MGAM: variants seen among roughly 807,000 people sequenced by gnomAD.
MGAM encodes maltase-glucoamylase.
A neutral mutation model predicts 358.8 loss-of-function variants in MGAM; 253 were observed. The ratio of observed to expected loss-of-function variants is 0.71; its 90% confidence interval spans 0.64 to 0.78. MGAM has a LOEUF of 0.78. MGAM is among the 30% of genes least tolerant of loss of function. The probability of loss-of-function intolerance (pLI) is 0.00; values close to 1 mark genes in which losing one functional copy is unlikely to be tolerated. For missense variants in MGAM, 3,080 were observed against 3,432.6 expected, an observed-to-expected ratio of 0.90 and a Z score of 2.57; for synonymous variants, 1,105 against 1,227.1, an observed-to-expected ratio of 0.90 and a Z score of 2.08.
At chr7:142,002,224 A>G (rs1185554211) in intron 1 of MGAM, among the ~76,000 whole-genome samples, 6 of 152,146 alleles carry the variant, frequency 3.9e-5, no homozygotes, top group African/African-American at 1.4e-4. Flanking sequence ...AAAAACTAAT[A>G]TAGAAGCCAA....
chr7:142,086,056 T>A (rs879225192), intron 55 of MGAM, 95 bp downstream of exon 55: 2 of 1,494,750 alleles, frequency 1.3e-6, no homozygotes, highest in Non-Finnish European at 9.2e-7. Context: ...TGCAAGTAGA[T>A]AAATTGAAGT....
chr7:142,044,402 G>A (rs1348564623), intron 21 of MGAM, among the ~76,000 whole-genome samples: 1 of 44,376 alleles, frequency 2.3e-5, no homozygotes, highest in African/African-American at 4.2e-5. Flanking sequence ...TACGATATAT[G>A]ATATATAATG....
intron 21 of MGAM, among the ~76,000 whole-genome samples, chr7:142,045,294 A>C (rs1199150550): frequency 1.8e-5 from 2 of 112,286 alleles, no homozygotes; most frequent in Non-Finnish European, 3.3e-5. Context: ...TATGATATAT[A>C]ATATATATTA....
At chr7:142,049,755 C>T (rs1321845671) in intron 22 of MGAM, among the ~76,000 whole-genome samples, 2 of 152,126 alleles carry the variant, frequency 1.3e-5, no homozygotes, top group Non-Finnish European at 2.9e-5. Flanking sequence ...TGAGCTACCA[C>T]CTCACACCTG....
intron 12 of MGAM, among the ~76,000 whole-genome samples, chr7:142,031,130 A>C (rs191412643): frequency 6.6e-6 from 1 of 152,126 alleles, no homozygotes; most frequent in African/African-American, 2.4e-5. Flanking sequence ...GAACTGTTTC[A>C]TACCTCTTCT....
chr7:142,095,955 A>T, intron 64 of MGAM: 2 of 697,328 alleles, frequency 2.9e-6, no homozygotes, highest in Non-Finnish European at 4.6e-6. Context: ...ATTTCTTTCT[A>T]ATTTGGCTGT....
chr7:142,008,784 T>C, intron 3 of MGAM, 79 bp downstream of exon 3: 4 of 1,464,212 alleles, frequency 2.7e-6, no homozygotes, highest in Non-Finnish European at 3.7e-6. Context: ...TTTGTTTTGG[T>C]TTTCTTTATT....
intron 66 of MGAM, among the ~76,000 whole-genome samples, chr7:142,097,922 A>G (rs1439826908): frequency 1.3e-5 from 2 of 152,222 alleles, no homozygotes; most frequent in East Asian, 1.9e-4. Context: ...ATTTTCTTAT[A>G]TCACTGCTAT....
chr7:142,084,299 G>C (rs575869293), intron 53 of MGAM, among the ~76,000 whole-genome samples: 2 of 146,078 alleles, frequency 1.4e-5, no homozygotes, highest in South Asian at 2.2e-4. Flanking sequence ...TCTAGGAATG[G>C]AGTGAAATCA....
intron 8 of MGAM, among the ~76,000 whole-genome samples, chr7:142,026,200 CT>C (rs200252324): frequency 0.051 from 7,523 of 146,524 alleles, 412 homozygotes; most frequent in African/African-American, 0.13. Flanking sequence ...CAATTTCTGA[CT>C]TTTTTTTTTT....
chr7:142,042,001 A>T (rs1312524705), intron 21 of MGAM, among the ~76,000 whole-genome samples: 2 of 13,940 alleles, frequency 1.4e-4, no homozygotes, highest in Non-Finnish European at 2.6e-4. Flanking sequence ...TATATATATT[A>T]TATATATAAT....
At chr7:142,099,986 A>G (rs1025779028) in intron 67 of MGAM, among the ~76,000 whole-genome samples, 2 of 152,202 alleles carry the variant, frequency 1.3e-5, no homozygotes, top group African/African-American at 4.8e-5. Flanking sequence ...CAATCTCACA[A>G]TTGAAATGGA....
Position 142,021,599 on chromosome 7 carries a change from C to A in MGAM, c.572C>A (p.Thr191Asn). 6.2e-7 allele frequency: 1 copy of A among 1,613,842 alleles called. No individual in the cohort carries two copies. Among genetic ancestry groups the A allele is most frequent in the Non-Finnish European group, 8.5e-7 (1 of 1,179,802 alleles). ...NRFHFKLTDQTNNRFEVPHEH... is the reference protein window; with the variant it reads ...NRFHFKLTDQNNNRFEVPHEH... ...ATCTCTGCACAGTTGACTGACCAAACCAATAACAGGTTTGAAGTGCCCCAC... is the reference window on the plus strand; with the variant it reads ...ATCTCTGCACAGTTGACTGACCAAAACAATAACAGGTTTGAAGTGCCCCAC... The change falls in exon 6 of 71, where the codon ACC becomes AAC. Residue 191 changes from threonine to asparagine, a missense_variant. Coordinates refer to ENST00000475668, the MANE Select transcript of MGAM (RefSeq NM_001365693.1).
At chr7:142,020,663 G>A (rs1047898324) in intron 4 of MGAM, among the ~76,000 whole-genome samples, 2 of 147,890 alleles carry the variant, frequency 1.4e-5, no homozygotes, top group African/African-American at 2.5e-5. Flanking sequence ...GCTGTGGTGC[G>A]ATCTCAGCTC....
At position 142,036,869 on chromosome 7, in the gene MGAM, C is replaced by T. The variant is rs868995180; in HGVS notation, c.2123C>T (p.Ser708Phe). 1 of 1,613,634 alleles carries T rather than the reference C, an allele frequency of 6.2e-7. No homozygotes were observed. The highest frequency in any genetic ancestry group is 8.5e-7 in the Non-Finnish European group (1 of 1,179,576). The part of the protein sequence containing the change: ...SFGADSLLLN[S>F]SRHYLNIRYT... ...GGAGCTGACTCCCTGCTGTTGAATT[C>T]CTCCAGGCACTACCTTAACATCCGC... Residue 708 changes from serine to phenylalanine, a missense_variant, in exon 18 of 71, where the codon TCC becomes TTC. By Grantham distance (155) the Ser-to-Phe change is radical (BLOSUM62 -2). This residue lies in a region of MGAM where 1,816 missense variants were observed against 1,840.5 expected (regional missense o/e 0.99). Transcript: ENST00000475668.
At chr7:142,028,844 C>A (rs1554462019) in intron 10 of MGAM, among the ~76,000 whole-genome samples, 1 of 151,406 alleles carries the variant, frequency 6.6e-6, no homozygotes, top group Non-Finnish European at 1.5e-5. Flanking sequence ...AATTTGGCTG[C>A]GAGTCCCACT....
chr7:142,094,122 T>C (rs1815657452), intron 60 of MGAM, among the ~76,000 whole-genome samples: 1 of 146,228 alleles, frequency 6.8e-6, no homozygotes, highest in South Asian at 2.2e-4. Context: ...AATTCCTTAC[T>C]ATTTTTGGGG....
At position 142,064,449 on chromosome 7, in the gene MGAM, C is replaced by T. The variant is rs766765023; in HGVS notation, c.4411C>T (p.Pro1471Ser). Residue 1471 changes from proline to serine, a missense_variant, in exon 37 of 71, where the codon CCA becomes TCA. Physicochemically the swap from Pro to Ser is moderately conservative, Grantham distance 74 (BLOSUM62 -1). Around this residue, in one of 5 missense-constraint regions of MGAM, gnomAD observed 1,816 missense variants for 1,840.5 expected, o/e 0.99. Transcript: ENST00000475668. ...TTGTATGGAGAGTCAGCAGATCCTCCCAGACGGCTCCCTGGTGCAGCACTA... is the reference window on the plus strand; with the variant it reads ...TTGTATGGAGAGTCAGCAGATCCTCTCAGACGGCTCCCTGGTGCAGCACTA... ...TLCMESQQIL[P>S]DGSLVQHYNV... The T allele has an allele frequency of 1.9e-6, 3 of 1,600,442 alleles. No individual in the cohort carries two copies. Among genetic ancestry groups the T allele is most frequent in the Non-Finnish European group, 2.6e-6 (3 of 1,173,622 alleles).
chr7:142,053,772 A>C (rs1811241744), intron 26 of MGAM, among the ~76,000 whole-genome samples: 1 of 152,170 alleles, frequency 6.6e-6, no homozygotes, highest in Non-Finnish European at 1.5e-5. Context: ...GTTCTTTACA[A>C]TCTGACATCA....
Sources: allele counts gnomAD v4.1 joint callset (sites outside exome capture counted in the v4.1 genomes callset), GRCh38; gene constraint gnomAD v4.1.1; regional missense constraint gnomAD v4.1.1; transcripts MANE v1.5; gene names NCBI Gene and HGNC (gene_info 2026-07-23, HGNC 2026-07-21).